The following EXOC4 variants were observed in gnomAD, a reference collection of about 807,000 sequenced individuals.
EXOC4 encodes exocyst complex component 4.
EXOC4 carries 71 observed loss-of-function variants against 107.2 expected under a neutral mutation model. The ratio of observed to expected loss-of-function variants is 0.66; its 90% CI spans 0.55 to 0.81. The LOEUF is 0.81. Ranked by LOEUF, EXOC4 falls within the 30% of genes least tolerant of loss-of-function variation. The pLI, the probability that EXOC4 is intolerant of heterozygous loss-of-function variation, is 0.00. For synonymous variants in EXOC4, 456 were observed against 441.2 expected, an observed-to-expected ratio of 1.03 and a Z score of -0.42; for missense variants, 1,108 against 1,189.6, an observed-to-expected ratio of 0.93 and a Z score of 1.01.
intron 6 of EXOC4, among the ~76,000 whole-genome samples, chr7:133,366,772 C>G (rs1283546406): frequency 6.6e-6 from 1 of 152,138 alleles, no homozygotes; most frequent in Non-Finnish European, 1.5e-5. Context: ...CAATCAGTGT[C>G]ATGCCAAATA....
At chr7:133,910,523 G>A (rs1227753869) in intron 12 of EXOC4, among the ~76,000 whole-genome samples, 4 of 152,176 alleles carry the variant, frequency 2.6e-5, no homozygotes, top group African/African-American at 9.7e-5. Context: ...TGAGTATGGT[G>A]TCAAAGATGT....
At chr7:133,446,998 C>G (rs1309962839) in intron 7 of EXOC4, among the ~76,000 whole-genome samples, 1 of 152,106 alleles carries the variant, frequency 6.6e-6, no homozygotes, top group Non-Finnish European at 1.5e-5. Flanking sequence ...ACAGATGTTT[C>G]TATAAACCTT....
At chr7:133,277,644 A>G (rs753125019) in intron 2 of EXOC4, among the ~76,000 whole-genome samples, 5 of 152,232 alleles carry the variant, frequency 3.3e-5, no homozygotes, top group Non-Finnish European at 7.3e-5. Flanking sequence ...ATATCTGATA[A>G]TTGTCACGAA....
chr7:134,004,039 C>T (rs1370508290), intron 15 of EXOC4, among the ~76,000 whole-genome samples: 3 of 152,092 alleles, frequency 2.0e-5, no homozygotes, highest in Admixed American at 6.6e-5. Flanking sequence ...CCTGATACCC[C>T]GTGGCACATT....
intron 14 of EXOC4, among the ~76,000 whole-genome samples, chr7:133,989,675 A>T (rs1487684555): frequency 6.6e-6 from 1 of 152,224 alleles, no homozygotes; most frequent in Non-Finnish European, 1.5e-5. Context: ...TGGCAATTAC[A>T]GTATCATTGA....
At position 133,475,407 on chromosome 7, in the gene EXOC4, C is replaced by G; in HGVS notation, c.1262C>G (p.Thr421Ser). ...TCAGCTCAACTAAGCTATGCCAGCACTGGACGAGAGTTTGCAGCCTTTTTT... is the reference window on the plus strand; with the variant it reads ...TCAGCTCAACTAAGCTATGCCAGCAGTGGACGAGAGTTTGCAGCCTTTTTT... ...EPSAQLSYAS[T>S]GREFAAFFAK... Residue 421 changes from threonine to serine, a missense_variant, in exon 8 of 18, where the codon ACT becomes AGT. Coordinates refer to ENST00000253861, the MANE Select transcript of EXOC4 (RefSeq NM_021807.4). The G allele has an allele frequency of 6.2e-7, 1 of 1,614,036 alleles. No individual in the cohort carries two copies. The highest frequency in any genetic ancestry group is 8.5e-7 in the Non-Finnish European group (1 of 1,179,966).
chr7:133,391,640 G>T (rs897238026), intron 7 of EXOC4, among the ~76,000 whole-genome samples: 1 of 152,200 alleles, frequency 6.6e-6, no homozygotes, highest in Non-Finnish European at 1.5e-5. Flanking sequence ...CCTTTTCAGA[G>T]ATAGGATGAT....
At chr7:133,818,107 AAAT>A (rs1042838257) in intron 11 of EXOC4, among the ~76,000 whole-genome samples, 2 of 152,230 alleles carry the variant, frequency 1.3e-5, no homozygotes, top group Non-Finnish European at 2.9e-5. Context: ...AGAAAAAATA[AAAT>A]AATCTGTCAG....
intron 7 of EXOC4, among the ~76,000 whole-genome samples, chr7:133,457,934 A>G (rs1003069274): frequency 4.6e-5 from 7 of 152,214 alleles, no homozygotes; most frequent in African/African-American, 9.6e-5. Context: ...TGCTGTTGGT[A>G]CTTGAATTTA....
chr7:133,823,867 AT>A (rs1252669943), intron 11 of EXOC4, among the ~76,000 whole-genome samples: 269 of 12,370 alleles, frequency 0.022, 24 homozygotes, highest in African/African-American at 0.2. Flanking sequence ...ATATATATAT[AT>A]ATATTATATA....
intron 7 of EXOC4, among the ~76,000 whole-genome samples, chr7:133,436,218 G>A (rs538310927): frequency 3.3e-5 from 5 of 152,002 alleles, no homozygotes; most frequent in Non-Finnish European, 7.4e-5. Flanking sequence ...GGCCTTCCTT[G>A]TACTGCCTTC....
chr7:133,454,818 G>A (rs1175292079), intron 7 of EXOC4, among the ~76,000 whole-genome samples: 2 of 152,156 alleles, frequency 1.3e-5, no homozygotes, highest in African/African-American at 2.4e-5. Context: ...TAAGTTATAG[G>A]CCAGACACAG....
intron 10 of EXOC4, among the ~76,000 whole-genome samples, chr7:133,801,641 A>G (rs1796945771): frequency 6.6e-6 from 1 of 152,194 alleles, no homozygotes; most frequent in Admixed American, 6.5e-5. Flanking sequence ...GAAATGGCCA[A>G]CCAGGTTACA....
At chr7:133,456,682 G>C (rs921774026) in intron 7 of EXOC4, among the ~76,000 whole-genome samples, 1 of 152,188 alleles carries the variant, frequency 6.6e-6, no homozygotes, top group African/African-American at 2.4e-5. Context: ...TTGGGCTGCA[G>C]CTCCTGCCAG....
At chr7:133,801,235 C>T (rs1796935500) in intron 10 of EXOC4, among the ~76,000 whole-genome samples, 1 of 152,116 alleles carries the variant, frequency 6.6e-6, no homozygotes, top group South Asian at 2.1e-4. Flanking sequence ...CACTAATGGT[C>T]TCTTTTTATT....
chr7:133,489,524 G>A lies in EXOC4; in HGVS notation c.1417+9386G>A, dbSNP rs942997052. Among the ~76,000 whole-genome samples the A allele has an allele frequency of 2.6e-5, 4 of 152,114 alleles. No homozygotes were observed. In the East Asian group the frequency reaches 5.8e-4, roughly 22 times the overall value. On this transcript the variant is annotated intron_variant, in intron 9 of 17. Coordinates refer to ENST00000253861, the MANE Select transcript of EXOC4 (RefSeq NM_021807.4). The stretch of plus-strand genomic sequence containing the variant: ...CTGAACGAGTACTGTACCTTAAGTC[G>A]TCCATGAGAAGGCATCTTTGTGGTT...
chr7:133,716,894 C>T (rs1317060494), intron 10 of EXOC4, among the ~76,000 whole-genome samples: 1 of 152,106 alleles, frequency 6.6e-6, no homozygotes, highest in Non-Finnish European at 1.5e-5. Context: ...GAGCCCAGAT[C>T]ACACCCCTGC....
At chr7:133,638,048 G>A (rs75019921) in intron 10 of EXOC4, among the ~76,000 whole-genome samples, 1 of 152,038 alleles carries the variant, frequency 6.6e-6, no homozygotes, top group African/African-American at 2.4e-5. Context: ...GGAAATGTTA[G>A]TGAAAAACAG....
intron 10 of EXOC4, 60 bp from the exon 11 acceptor site, chr7:133,817,264 GT>G: frequency 8.3e-7 from 1 of 1,202,148 alleles, no homozygotes; most frequent in Non-Finnish European, 1.2e-6. Flanking sequence ...ATGTCCTCAT[GT>G]CGTATTTATA....
Sources: gnomAD v4.1 joint callset for allele counts (sites outside exome capture counted in the v4.1 genomes callset) on GRCh38, gnomAD v4.1.1 for gene constraint, MANE v1.5 for transcripts, NCBI Gene and HGNC (gene_info 2026-07-23, HGNC 2026-07-21) for gene names.